BCHE: variants seen among roughly 807,000 people sequenced by gnomAD.
BCHE encodes the protein butyrylcholinesterase.
In BCHE, 48 loss-of-function variants were observed where a neutral mutation model predicts 51.3. The ratio of observed to expected loss-of-function variants is 0.94; its 90% CI spans 0.74 to 1.19. The LOEUF is 1.19. Ranked by LOEUF, BCHE falls within the 50% of genes most tolerant of loss-of-function variation. The probability of loss-of-function intolerance (pLI) is 0.00; values close to 1 mark genes in which losing one functional copy is unlikely to be tolerated. For synonymous variants in BCHE, 251 were observed against 238.0 expected (o/e 1.05, Z -0.50); for missense variants, 847 against 708.2 (o/e 1.20, Z -2.23).
intron 2 of BCHE, among the ~76,000 whole-genome samples, chr3:165,799,164 C>T (rs1430337507): frequency 6.6e-6 from 1 of 151,938 alleles, no homozygotes; most frequent in African/African-American, 2.4e-5. Flanking sequence ...TTACAAAAAT[C>T]CTATCCAATT....
chr3:165,825,566 T>C (rs1211235263), intron 2 of BCHE, among the ~76,000 whole-genome samples: 2 of 152,086 alleles, frequency 1.3e-5, no homozygotes, highest in African/African-American at 2.4e-5. Flanking sequence ...TTTATATTTA[T>C]TGTACTTTAA....
chr3:165,774,796 A>C (rs1340903755), intron 3 of BCHE, among the ~76,000 whole-genome samples: 1 of 152,214 alleles, frequency 6.6e-6, no homozygotes, highest in Non-Finnish European at 1.5e-5. Flanking sequence ...AGGGGTGTGT[A>C]GGTAGGAATA....
intron 2 of BCHE, 131 bp downstream of exon 2, chr3:165,829,386 T>G: frequency 1.2e-6 from 1 of 842,026 alleles, no homozygotes; most frequent in Non-Finnish European, 1.9e-6. Flanking sequence ...TAAAACCAGC[T>G]TTGGTACAAA....
chr3:165,815,157 T>C (rs957964556), intron 2 of BCHE, among the ~76,000 whole-genome samples: 1 of 151,234 alleles, frequency 6.6e-6, no homozygotes, highest in Non-Finnish European at 1.5e-5. Flanking sequence ...TTACTTACAG[T>C]ATGTATCTGG....
chr3:165,832,761 A>G (rs1252281339), intron 1 of BCHE, among the ~76,000 whole-genome samples: 1 of 152,142 alleles, frequency 6.6e-6, no homozygotes, highest in Admixed American at 6.6e-5. Context: ...AACGAATCCT[A>G]CAAATACTAA....
chr3:165,830,676 A>G lies in BCHE; in HGVS notation c.358T>C (p.Cys120Arg). The G allele has an allele frequency of 1.2e-6, 2 of 1,614,072 alleles. No homozygotes were observed. Among genetic ancestry groups the G allele is most frequent in the South Asian group, 1.1e-5 (1 of 91,082 alleles). The change falls in exon 2 of 4, where the codon TGT becomes CGT. Residue 120 changes from cysteine (C) to arginine (R), a missense_variant. Coordinates refer to ENST00000264381, the MANE Select transcript of BCHE (RefSeq NM_000055.4). ...GGAATCCATACATTTAGATATAAAC[A>G]GTCTTCACTGAGGTCAGTGTTTGGG... is the stretch of plus-strand genomic sequence containing the variant. ...WNPNTDLSED[C>R]LYLNVWIPAP...
intron 2 of BCHE, among the ~76,000 whole-genome samples, chr3:165,787,571 A>G (rs532895361): frequency 6.6e-6 from 1 of 152,084 alleles, no homozygotes; most frequent in African/African-American, 2.4e-5. Flanking sequence ...GAGAGGAAAT[A>G]AGGACCTGAG....
intron 3 of BCHE, among the ~76,000 whole-genome samples, chr3:165,783,205 T>C (rs1039334422): frequency 6.6e-6 from 1 of 152,128 alleles, no homozygotes; most frequent in Admixed American, 6.6e-5. Context: ...ATTAAACTTA[T>C]CATGGAATGC....
chr3:165,828,348 T>C (rs1481825640), intron 2 of BCHE, among the ~76,000 whole-genome samples: 2 of 152,124 alleles, frequency 1.3e-5, no homozygotes, highest in African/African-American at 2.4e-5. Flanking sequence ...TACTGAGTAA[T>C]GTGAGTTGCA....
chr3:165,820,325 C>A (rs1233736707), intron 2 of BCHE, among the ~76,000 whole-genome samples: 3 of 151,988 alleles, frequency 2.0e-5, no homozygotes, highest in Non-Finnish European at 2.9e-5. Context: ...ACAATTATTT[C>A]TTTTCAAATA....
At chr3:165,778,399 A>T (rs970027083) in intron 3 of BCHE, 1 of 170,150 alleles carries the variant, frequency 5.9e-6, no homozygotes, top group Non-Finnish European at 1.3e-5. Flanking sequence ...AAGGTAAAAA[A>T]GAATAACTCG....
intron 3 of BCHE, among the ~76,000 whole-genome samples, chr3:165,776,653 G>T (rs1451875355): frequency 1.3e-5 from 2 of 151,738 alleles, no homozygotes; most frequent in Non-Finnish European, 2.9e-5. Context: ...CTTGTAGAAA[G>T]AGTTTTATTA....
chr3:165,830,317 A>T lies in BCHE; in HGVS notation c.717T>A (p.Pro239=). ...CTCTGGTGAACAATGAATGGCTTCC[A>T]GGAGAAAGCAAATGCAGGCTAACTG... is the stretch of plus-strand genomic sequence containing the variant. ...AASVSLHLLS[P]GSHSLFTRAI... is the part of the protein sequence containing the mutation. The change falls in exon 2 of 4, where the codon CCT becomes CCA. Residue 239 remains proline (P), a synonymous_variant. Coordinates refer to ENST00000264381, the MANE Select transcript of BCHE (RefSeq NM_000055.4). The T allele has an allele frequency of 6.2e-7, 1 of 1,614,034 alleles. No individual in the cohort carries two copies.
chr3:165,778,119 T>A (rs1307855165), intron 3 of BCHE, among the ~76,000 whole-genome samples: 4 of 152,082 alleles, frequency 2.6e-5, no homozygotes, highest in East Asian at 1.9e-4. Flanking sequence ...CAGAGTCAAC[T>A]GTTTATGCAA....
chr3:165,799,704 T>C (rs1040260889), intron 2 of BCHE, among the ~76,000 whole-genome samples: 6 of 152,046 alleles, frequency 3.9e-5, no homozygotes, highest in Admixed American at 1.3e-4. Flanking sequence ...AAGTGAGCAT[T>C]GAACATTGAA....
chr3:165,803,859 A>G (rs573324901), intron 2 of BCHE, among the ~76,000 whole-genome samples: 1 of 152,310 alleles, frequency 6.6e-6, no homozygotes, highest in South Asian at 2.1e-4. Context: ...GGGTTTAGGA[A>G]GAGACCTGGG....
At chr3:165,797,600 T>A (rs1462659396) in intron 2 of BCHE, among the ~76,000 whole-genome samples, 1 of 151,928 alleles carries the variant, frequency 6.6e-6, no homozygotes. Flanking sequence ...ACTAGAACAC[T>A]TATTTTAATA....
At position 165,793,817 on chromosome 3, in the gene BCHE, C is replaced by T. The variant is rs543440876; in HGVS notation, c.1518-7506G>A. ...ATCCCAGCACTTTGGGAGGCCAAGGCGGTGGATCACCTGGGATAAGGAGTT... is the reference window on the plus strand; with the variant it reads ...ATCCCAGCACTTTGGGAGGCCAAGGTGGTGGATCACCTGGGATAAGGAGTT... On this transcript the variant is annotated intron_variant, in intron 2 of 3. Transcript: ENST00000264381. 3.4e-3 allele frequency among the ~76,000 whole-genome samples: 513 copies of T among 152,136 alleles called. 2 individuals are homozygous for T. The highest frequency in any genetic ancestry group is 5.8e-3 in the Non-Finnish European group (392 of 67,994).
intron 3 of BCHE, among the ~76,000 whole-genome samples, chr3:165,776,644 T>A (rs186530752): frequency 2.0e-5 from 3 of 151,816 alleles, no homozygotes; most frequent in Non-Finnish European, 4.4e-5. Flanking sequence ...GAACCCTAAC[T>A]TGTAGAAAGA....
Sources: gnomAD v4.1 joint callset for allele counts (sites outside exome capture counted in the v4.1 genomes callset) on GRCh38, gnomAD v4.1.1 for gene constraint, MANE v1.5 for transcripts, NCBI Gene and HGNC (gene_info 2026-07-23, HGNC 2026-07-21) for gene names.